The following DOCK9 variants were observed in gnomAD, a reference collection of about 807,000 sequenced individuals.
The protein encoded by DOCK9 is dedicator of cytokinesis protein 9.
DOCK9 carries 89 observed loss-of-function variants against 263.3 expected under a neutral mutation model. The observed-to-expected ratio is 0.34, with a 90% CI of 0.28 to 0.40. The LOEUF is 0.40. DOCK9 is among the 10% of genes least tolerant of loss of function. The pLI is 1.00. For synonymous variants in DOCK9, 976 were observed against 973.1 expected (o/e 1.00, Z -0.06); for missense variants, 2,140 against 2,603.4 (o/e 0.82, Z 3.87).
chr13:99,020,746 T>C (rs1228497755), intron 1 of DOCK9, among the ~76,000 whole-genome samples: 1 of 152,364 alleles, frequency 6.6e-6, no homozygotes, highest in East Asian at 1.9e-4. Context: ...ATTAATACTG[T>C]ATTTCAAACA....
At position 98,936,198 on chromosome 13, in the gene DOCK9, C is replaced by T. The variant is rs1430474408; in HGVS notation, c.244-5941G>A. Among the ~76,000 whole-genome samples the T allele has an allele frequency of 4.6e-5, 7 of 152,016 alleles. No individual in the cohort carries two copies. In the South Asian group the frequency reaches 8.3e-4, roughly 18 times the overall value. On this transcript the variant is annotated intron_variant, in intron 2 of 52. Transcript: ENST00000682017. ...ACCATGGTGACCTTATAAACCACCC[C>T]GAGACCTGTCTGAACAGCTAGTCAA...
At chr13:99,060,564 C>T (rs1304011666) in intron 1 of DOCK9, among the ~76,000 whole-genome samples, 2 of 152,174 alleles carry the variant, frequency 1.3e-5, no homozygotes, top group East Asian at 3.8e-4. Context: ...TTCCAAGTGC[C>T]TGCACCATTT....
At chr13:99,084,125 C>T (rs1454082856) in intron 1 of DOCK9, among the ~76,000 whole-genome samples, 4 of 152,258 alleles carry the variant, frequency 2.6e-5, no homozygotes, top group East Asian at 1.9e-4. Context: ...CAACAAAGCC[C>T]GGCCAGAACT....
At chr13:99,032,313 A>C (rs971480492) in intron 1 of DOCK9, among the ~76,000 whole-genome samples, 5 of 152,078 alleles carry the variant, frequency 3.3e-5, no homozygotes, top group African/African-American at 1.2e-4. Context: ...TCTACTAAAA[A>C]TACAAAAAAA....
chr13:98,852,571 G>A (rs1008560794), intron 35 of DOCK9, among the ~76,000 whole-genome samples: 1 of 152,170 alleles, frequency 6.6e-6, no homozygotes, highest in South Asian at 2.1e-4. Flanking sequence ...AGCAGCACAA[G>A]AGGCCTTCAG....
At chr13:98,796,786 G>C (rs1389383439) in intron 52 of DOCK9, among the ~76,000 whole-genome samples, 1 of 152,206 alleles carries the variant, frequency 6.6e-6, no homozygotes, top group Non-Finnish European at 1.5e-5. Flanking sequence ...TGTCAGAACA[G>C]TATGGATATT....
At chr13:98,926,589 G>A (rs2053006444) in intron 3 of DOCK9, among the ~76,000 whole-genome samples, 1 of 152,190 alleles carries the variant, frequency 6.6e-6, no homozygotes, top group Non-Finnish European at 1.5e-5. Context: ...GGCCAGCCTG[G>A]TGTCCGTCGT....
At chr13:98,815,426 G>T (rs7997353) in intron 45 of DOCK9, among the ~76,000 whole-genome samples, 1 of 152,048 alleles carries the variant, frequency 6.6e-6, no homozygotes, top group African/African-American at 2.4e-5. Context: ...TGGTACCTTC[G>T]GTTCTCATTT....
intron 2 of DOCK9, among the ~76,000 whole-genome samples, chr13:98,936,177 T>A (rs561799477): frequency 9.2e-5 from 14 of 152,234 alleles, no homozygotes; most frequent in African/African-American, 3.1e-4. Flanking sequence ...TCCTGTACCA[T>A]GGTGACCTTA....
At chr13:98,846,603 C>T (rs776926194) in intron 37 of DOCK9, 15 of 1,325,074 alleles carry the variant, frequency 1.1e-5, no homozygotes, top group Non-Finnish European at 1.4e-5. Flanking sequence ...TTTGGGTTAG[C>T]AATCAAACAG....
At chr13:98,876,260 G>A in intron 27 of DOCK9, among the ~76,000 whole-genome samples, 1 of 152,174 alleles carries the variant, frequency 6.6e-6, no homozygotes. Flanking sequence ...AGGAGGCCAA[G>A]GTGGGTGGGT....
intron 1 of DOCK9, among the ~76,000 whole-genome samples, chr13:99,003,773 T>C (rs1882818323): frequency 1.3e-5 from 2 of 152,210 alleles, no homozygotes; most frequent in African/African-American, 4.8e-5. Flanking sequence ...ACCTCCTCAC[T>C]AGTGTTCCTG....
At chr13:99,071,862 C>G (rs1022489082) in intron 1 of DOCK9, among the ~76,000 whole-genome samples, 1 of 152,210 alleles carries the variant, frequency 6.6e-6, no homozygotes, top group Non-Finnish European at 1.5e-5. Flanking sequence ...GCCAGACTGT[C>G]TGACGTCAAC....
At chr13:99,045,998 G>A (rs1294683518) in intron 1 of DOCK9, among the ~76,000 whole-genome samples, 1 of 151,668 alleles carries the variant, frequency 6.6e-6, no homozygotes, top group Non-Finnish European at 1.5e-5. Context: ...CTACTCAGGA[G>A]ACTGAGGCAG....
intron 1 of DOCK9, among the ~76,000 whole-genome samples, chr13:98,998,147 C>T (rs754432012): frequency 3.3e-5 from 5 of 152,030 alleles, no homozygotes; most frequent in Admixed American, 1.3e-4. Context: ...GAGGTGGGGC[C>T]GGGATAGACA....
chr13:98,800,774 A>C (rs956553888), intron 49 of DOCK9, among the ~76,000 whole-genome samples: 1 of 152,162 alleles, frequency 6.6e-6, no homozygotes, highest in African/African-American at 2.4e-5. Flanking sequence ...CTTCCTTGGA[A>C]GCTCTGAGGT....
At chr13:98,865,062 T>G (rs1436311071) in intron 30 of DOCK9, among the ~76,000 whole-genome samples, 4 of 152,332 alleles carry the variant, frequency 2.6e-5, no homozygotes, top group South Asian at 2.1e-4. Flanking sequence ...ATGTCTTTTC[T>G]TATTTTTTTT....
At chr13:98,824,650 G>A (rs1239624764) in intron 44 of DOCK9, 146 bp from the exon 45 acceptor site, 2 of 668,762 alleles carry the variant, frequency 3.0e-6, no homozygotes, top group Non-Finnish European at 2.6e-6. Context: ...ATTCACGGGG[G>A]TACCTGGGGC....
At chr13:98,808,449 C>T (rs1422847154) in intron 47 of DOCK9, among the ~76,000 whole-genome samples, 1 of 152,076 alleles carries the variant, frequency 6.6e-6, no homozygotes, top group Non-Finnish European at 1.5e-5. Context: ...ATTAAAAAGT[C>T]CAACTGGGGT....
Sources: allele counts gnomAD v4.1 joint callset (sites outside exome capture counted in the v4.1 genomes callset), GRCh38; gene constraint gnomAD v4.1.1; transcripts MANE v1.5; gene names NCBI Gene and HGNC (gene_info 2026-07-23, HGNC 2026-07-21).